Variants in SGCZ observed in about 807,000 individuals in gnomAD.
The protein encoded by SGCZ is sarcoglycan zeta, also known as zeta-sarcoglycan.
SGCZ carries 40 observed loss-of-function variants against 41.3 expected under a neutral mutation model. The observed-to-expected ratio is 0.97, with a 90% confidence interval of 0.75 to 1.26. The LOEUF (loss-of-function observed/expected upper bound fraction) is 1.26. SGCZ is among the 50% of genes most tolerant of loss of function. The pLI is 0.00. For missense variants in SGCZ, 552 were observed against 369.8 expected, an observed-to-expected ratio of 1.49 and a Z score of -4.04; for synonymous variants, 206 against 137.5, an observed-to-expected ratio of 1.50 and a Z score of -3.49.
chr8:14,375,282 T>A (rs1229761440), intron 2 of SGCZ, among the ~76,000 whole-genome samples: 1 of 152,188 alleles, frequency 6.6e-6, no homozygotes, highest in African/African-American at 2.4e-5. Flanking sequence ...AGCAAGAAAC[T>A]ATTGGAAATG....
chr8:15,079,589 A>G (rs1305228941), intron 1 of SGCZ, among the ~76,000 whole-genome samples: 1 of 152,160 alleles, frequency 6.6e-6, no homozygotes, highest in Non-Finnish European at 1.5e-5. Context: ...ATTTCTCCCA[A>G]TATATGTTTG....
intron 1 of SGCZ, among the ~76,000 whole-genome samples, chr8:14,859,163 C>T (rs533476726): frequency 1.3e-5 from 2 of 152,034 alleles, no homozygotes; most frequent in Non-Finnish European, 2.9e-5. Context: ...GTATTTTATG[C>T]ATACTCTCTA....
At chr8:14,930,752 C>T (rs1383658064) in intron 1 of SGCZ, among the ~76,000 whole-genome samples, 2 of 151,906 alleles carry the variant, frequency 1.3e-5, no homozygotes, top group Non-Finnish European at 2.9e-5. Flanking sequence ...AACTAAACAC[C>T]CCATGTTCTC....
chr8:14,804,652 T>C (rs974391044), intron 1 of SGCZ, among the ~76,000 whole-genome samples: 18 of 144,680 alleles, frequency 1.2e-4, no homozygotes, highest in Admixed American at 4.3e-4. Context: ...TGGAAAACAC[T>C]CTACAGGATA....
intron 2 of SGCZ, among the ~76,000 whole-genome samples, chr8:14,533,848 T>C (rs1408522350): frequency 6.6e-6 from 1 of 151,966 alleles, no homozygotes; most frequent in Non-Finnish European, 1.5e-5. Context: ...TAAGATAGGG[T>C]TACATAGCTC....
intron 1 of SGCZ, among the ~76,000 whole-genome samples, chr8:14,945,617 C>T (rs543817468): frequency 9.6e-4 from 146 of 151,900 alleles, no homozygotes; most frequent in Middle Eastern, 3.4e-3. Flanking sequence ...AGGGCGTTTC[C>T]GGAGGAGATT....
intron 5 of SGCZ, among the ~76,000 whole-genome samples, chr8:14,119,682 G>T (rs1274403550): frequency 6.6e-6 from 1 of 152,106 alleles, no homozygotes; most frequent in African/African-American, 2.4e-5. Flanking sequence ...CATTCAGTAT[G>T]ATATTAGCTG....
chr8:14,749,335 A>G (rs770874656), intron 1 of SGCZ, among the ~76,000 whole-genome samples: 2 of 152,168 alleles, frequency 1.3e-5, no homozygotes, highest in Admixed American at 6.5e-5. Flanking sequence ...AACATGATGA[A>G]GTCATTTTTT....
intron 2 of SGCZ, among the ~76,000 whole-genome samples, chr8:14,524,025 A>T (rs1585629738): frequency 6.6e-6 from 1 of 151,990 alleles, no homozygotes; most frequent in Non-Finnish European, 1.5e-5. Context: ...ACATTCATTG[A>T]GTTTACTTCT....
chr8:15,065,441 T>TTAC (rs2131018320), intron 1 of SGCZ, among the ~76,000 whole-genome samples: 1 of 147,746 alleles, frequency 6.8e-6, no homozygotes, highest in East Asian at 2.0e-4. Context: ...ATTATTATTA[T>TTAC]TATTATTATT....
intron 1 of SGCZ, among the ~76,000 whole-genome samples, chr8:14,835,042 A>C (rs2130611546): frequency 6.6e-6 from 1 of 152,342 alleles, no homozygotes; most frequent in African/African-American, 2.4e-5. Context: ...ACTCTTGTCT[A>C]AAATTAAAGA....
chr8:14,413,348 A>C (rs2117283055), intron 2 of SGCZ, among the ~76,000 whole-genome samples: 1 of 126,824 alleles, frequency 7.9e-6, no homozygotes, highest in Non-Finnish European at 1.7e-5. Flanking sequence ...TGATATCCTT[A>C]CTTTTTAAGC....
chr8:14,968,602 C>T (rs569910330), intron 1 of SGCZ, among the ~76,000 whole-genome samples: 25 of 152,118 alleles, frequency 1.6e-4, no homozygotes, highest in South Asian at 4.2e-4. Flanking sequence ...CTGTAGATGA[C>T]GTGTGTACAG....
chr8:15,123,984 A>G (rs1807583190), intron 1 of SGCZ, among the ~76,000 whole-genome samples: 1 of 152,234 alleles, frequency 6.6e-6, no homozygotes, highest in African/African-American at 2.4e-5. Flanking sequence ...TTGGACAGGT[A>G]GGCGGGGCAG....
chr8:15,205,614 G>A (rs896929954), intron 1 of SGCZ, among the ~76,000 whole-genome samples: 3 of 152,120 alleles, frequency 2.0e-5, no homozygotes, highest in African/African-American at 7.2e-5. Flanking sequence ...ACAGATGCTG[G>A]TGAGGCTGTG....
chr8:15,084,096 T>C (rs541521648), intron 1 of SGCZ, among the ~76,000 whole-genome samples: 1 of 152,338 alleles, frequency 6.6e-6, no homozygotes, highest in Admixed American at 6.5e-5. Context: ...CTGCCTGGTT[T>C]AAAATTTTAC....
chr8:15,228,856 C>T (rs982659222), intron 1 of SGCZ, among the ~76,000 whole-genome samples: 1 of 152,230 alleles, frequency 6.6e-6, no homozygotes, highest in African/African-American at 2.4e-5. Context: ...TGGATACTCA[C>T]AGCACAGTTA....
At chr8:14,733,790 T>C (rs1446639337) in intron 1 of SGCZ, among the ~76,000 whole-genome samples, 1 of 152,188 alleles carries the variant, frequency 6.6e-6, no homozygotes, top group Non-Finnish European at 1.5e-5. Context: ...TCAGGGTTAA[T>C]TTTAACTCAG....
intron 1 of SGCZ, among the ~76,000 whole-genome samples, chr8:14,693,146 A>G (rs1179914981): frequency 1.3e-5 from 2 of 152,214 alleles, no homozygotes; most frequent in African/African-American, 2.4e-5. Context: ...TTAGATCTAT[A>G]TTACATTTGT....
Sources: allele counts gnomAD v4.1 joint callset (sites outside exome capture counted in the v4.1 genomes callset), GRCh38; gene constraint gnomAD v4.1.1; transcripts MANE v1.5; gene names NCBI Gene and HGNC (gene_info 2026-07-23, HGNC 2026-07-21).